The following FAM76A variants were observed in gnomAD, a reference collection of about 807,000 sequenced individuals.
The protein encoded by FAM76A is family with sequence similarity 76 member A.
In FAM76A, 32 loss-of-function variants were observed where a neutral mutation model predicts 46.2. The observed-to-expected ratio is 0.69, with a 90% CI of 0.52 to 0.93. FAM76A has a LOEUF of 0.93. Among genes scored for constraint, FAM76A ranks in the 40% least tolerant of loss-of-function variants. The probability of loss-of-function intolerance (pLI) is 0.00; values close to 1 mark genes in which losing one functional copy is unlikely to be tolerated. For missense variants in FAM76A, 274 were observed against 361.5 expected (o/e 0.76, Z 1.96); for synonymous variants, 137 against 127.0 (o/e 1.08, Z -0.53).
intron 5 of FAM76A, among the ~76,000 whole-genome samples, chr1:27,746,435 G>A (rs1288126885): frequency 6.6e-6 from 1 of 152,072 alleles, no homozygotes; most frequent in Non-Finnish European, 1.5e-5. Context: ...TAGCACATAA[G>A]AATCTAGCTG....
chr1:27,733,953 G>A (rs2088000951), intron 3 of FAM76A, 78 bp from the exon 4 acceptor site: 1 of 1,411,014 alleles, frequency 7.1e-7, no homozygotes, highest in Admixed American at 2.2e-5. Context: ...GAACTACAAA[G>A]TAGGAATTAT....
At chr1:27,727,362 C>A in intron 1 of FAM76A, 110 bp from the exon 2 acceptor site, 1 of 812,826 alleles carries the variant, frequency 1.2e-6, no homozygotes, top group Non-Finnish European at 2.1e-6. Flanking sequence ...GTTTAAGTGA[C>A]TCACTCAAGC....
intron 4 of FAM76A, among the ~76,000 whole-genome samples, chr1:27,744,378 T>G (rs1432324349): frequency 6.6e-6 from 1 of 152,154 alleles, no homozygotes; most frequent in Admixed American, 6.6e-5. Flanking sequence ...CTACCCACCT[T>G]GGCCTCCCAA....
intron 4 of FAM76A, among the ~76,000 whole-genome samples, chr1:27,743,592 T>C (rs1195117235): frequency 6.6e-6 from 1 of 152,180 alleles, no homozygotes; most frequent in East Asian, 1.9e-4. Flanking sequence ...GGTGAAACCC[T>C]GTCTCTACAA....
Position 27,740,219 on chromosome 1 carries a change from C to G in FAM76A, c.355-4435C>G, listed in dbSNP as rs1015871007. 20 of 653,232 alleles carry G rather than the reference C, an allele frequency of 3.1e-5. 1 individual carries two copies. In the African/African-American group the frequency reaches 3.1e-4, roughly 10 times the overall value. The allele number at this position is 653,232 out of a possible 1,614,324, so 40.5% of individuals were successfully genotyped here. ...CTATAGCAGAAGCCAGTCAGTACAC[C>G]TTTCATCTTGAGGCTACTAAGTACT... On this transcript the variant is annotated intron_variant, in intron 4 of 8. Transcript: ENST00000373954.
chr1:27,728,279 T>C (rs1347493214), intron 2 of FAM76A, among the ~76,000 whole-genome samples: 5 of 152,204 alleles, frequency 3.3e-5, no homozygotes, highest in African/African-American at 1.2e-4. Context: ...CTTTTGGAAA[T>C]GTGACAATCC....
At chr1:27,757,847 G>T (rs939213384) in intron 7 of FAM76A, among the ~76,000 whole-genome samples, 24 of 152,024 alleles carry the variant, frequency 1.6e-4, no homozygotes, top group East Asian at 7.8e-4. Flanking sequence ...CGTGGTGGTG[G>T]GCGCCTGTAG....
chr1:27,729,392 A>T (rs2087918113), intron 2 of FAM76A, among the ~76,000 whole-genome samples: 2 of 151,724 alleles, frequency 1.3e-5, no homozygotes, highest in Admixed American at 1.3e-4. Context: ...TATCTTTAGT[A>T]GAGACAGGGG....
chr1:27,748,962 T>C, intron 5 of FAM76A, 106 bp from the exon 6 acceptor site: 1 of 664,710 alleles, frequency 1.5e-6, no homozygotes, highest in Non-Finnish European at 2.5e-6. Context: ...AGCTCTTGCA[T>C]AGAAGAGCTG....
chr1:27,743,169 G>A (rs894503916), intron 4 of FAM76A, among the ~76,000 whole-genome samples: 4 of 152,084 alleles, frequency 2.6e-5, no homozygotes, highest in African/African-American at 9.7e-5. Flanking sequence ...ATTCATTTTT[G>A]AGAAAGGGTC....
intron 2 of FAM76A, among the ~76,000 whole-genome samples, chr1:27,730,871 G>A (rs886474910): frequency 6.6e-5 from 10 of 151,466 alleles, no homozygotes; most frequent in Admixed American, 1.3e-4. Context: ...GCTGGAGTGC[G>A]GTGGCACAAT....
chr1:27,734,237 GACTA>G (rs2088007187), intron 4 of FAM76A, 54 bp downstream of exon 4: 5 of 1,532,000 alleles, frequency 3.3e-6, no homozygotes, highest in Non-Finnish European at 4.4e-6. Context: ...AATTAAGGTG[GACTA>G]ACTGTGTTAA....
At chr1:27,727,685 C>A in intron 2 of FAM76A, 149 bp downstream of exon 2, 1 of 628,570 alleles carries the variant, frequency 1.6e-6, no homozygotes, top group Non-Finnish European at 2.8e-6. Flanking sequence ...ACTATAATTG[C>A]TAAATATTTA....
chr1:27,730,824 G>T (rs59335878), intron 2 of FAM76A, among the ~76,000 whole-genome samples: 20,619 of 151,836 alleles, frequency 0.14, 3,522 homozygotes, highest in African/African-American at 0.39. Context: ...CTAGTTTTTT[G>T]TGTGTGTGTG....
intron 7 of FAM76A, 143 bp downstream of exon 7, chr1:27,755,473 T>C: frequency 9.0e-7 from 1 of 1,105,324 alleles, no homozygotes; most frequent in South Asian, 1.5e-5. Context: ...GCTGGCTGTC[T>C]GCCAAGATGA....
intron 7 of FAM76A, 124 bp downstream of exon 7, chr1:27,755,454 T>C: frequency 7.9e-7 from 1 of 1,262,450 alleles, no homozygotes; most frequent in Non-Finnish European, 1.1e-6. Flanking sequence ...TGGGATATCC[T>C]GGGGAGAGGC....
chr1:27,739,951 G>GCTAT (rs1255272446), intron 4 of FAM76A: 1 of 261,086 alleles, frequency 3.8e-6, no homozygotes, highest in African/African-American at 2.3e-5. Flanking sequence ...GGGAGCCAGT[G>GCTAT]CTATGGCTTT....
rs1351538015 is a variant in FAM76A, at chr1:27,745,057, C to T, written c.512+246C>T. On this transcript the variant is annotated intron_variant, in intron 5 of 8. Transcript: ENST00000373954. ...TGTGTCTGAAATGTTTGTGGAACTT[C>T]GTTTGTAGTGTTCTCACCCTTAGAG... 3.9e-5 allele frequency among the ~76,000 whole-genome samples: 6 copies of T among 152,256 alleles called. No homozygotes were observed. In the East Asian group the frequency reaches 5.8e-4, roughly 15 times the overall value.
rs1420013248 is a variant in FAM76A, at chr1:27,760,539, G to A, written c.882G>A (p.Lys294=). Residue 294 remains lysine (K), a synonymous_variant, in exon 9 of 9, where the codon AAG becomes AAA. Transcript: ENST00000373954. ...TGAAGCAGGCAGCTGCTTTGTCCAA[G>A]AGCAAGAAGTCAGAGAAGTCAGGAG... ...ELLKQAAALS[K]SKKSEKSGAI... 6.2e-7 allele frequency: 1 copy of A among 1,612,344 alleles called. No individual in the cohort carries two copies. The highest frequency in any genetic ancestry group is 8.5e-7 in the Non-Finnish European group (1 of 1,179,100).
Sources: gnomAD v4.1 joint callset for allele counts (sites outside exome capture counted in the v4.1 genomes callset) on GRCh38, gnomAD v4.1.1 for gene constraint, MANE v1.5 for transcripts, NCBI Gene and HGNC (gene_info 2026-07-23, HGNC 2026-07-21) for gene names.